ANKRD13A: variants seen among roughly 807,000 people sequenced by gnomAD.
The protein encoded by ANKRD13A is ankyrin repeat domain-containing protein 13A.
A neutral mutation model predicts 81.3 loss-of-function variants in ANKRD13A; 48 were observed. The ratio of observed to expected loss-of-function variants is 0.59; its 90% CI spans 0.47 to 0.75. The LOEUF is 0.75. ANKRD13A is among the 30% of genes least tolerant of loss of function. The probability of loss-of-function intolerance (pLI) is 0.00; values close to 1 mark genes in which losing one functional copy is unlikely to be tolerated. For missense variants in ANKRD13A, 612 were observed against 734.0 expected, an observed-to-expected ratio of 0.83 and a Z score of 1.92; for synonymous variants, 230 against 270.1, an observed-to-expected ratio of 0.85 and a Z score of 1.45.
chr12:110,000,717 C>T (rs1335211611), intron 1 of ANKRD13A, among the ~76,000 whole-genome samples: 1 of 151,032 alleles, frequency 6.6e-6, no homozygotes, highest in Non-Finnish European at 1.5e-5. Flanking sequence ...AAGCCGACAG[C>T]GTCTTGGTTG....
At position 110,036,316 on chromosome 12, in the gene ANKRD13A, C is replaced by T. The variant is rs1892043698; in HGVS notation, c.1565C>T (p.Ala522Val). ...GGISQTNTYD[A>V]QYERAIQESL... The stretch of plus-strand genomic sequence containing the variant: ...ATCAGCCAGACAAACACCTATGACG[C>T]CCAGTATGAGAGGTGATTGACTGAC... The change falls in exon 14 of 15, where the codon GCC becomes GTC. Residue 522 changes from alanine to valine, a missense_variant. By Grantham distance (64) the Ala-to-Val change is moderately conservative. Transcript: ENST00000261739. The surrounding 1 kb of genome is among the most constrained non-coding windows in gnomAD (Gnocchi z 4.6). 2 of 1,613,868 alleles carry T rather than the reference C, an allele frequency of 1.2e-6. No homozygotes were observed. The highest frequency in any genetic ancestry group is 1.6e-4 in the Middle Eastern group (1 of 6,082).
At chr12:110,015,953 C>CTT (rs559435860) in intron 3 of ANKRD13A, among the ~76,000 whole-genome samples, 1,531 of 139,582 alleles carry the variant, frequency 0.011, 28 homozygotes, top group Middle Eastern at 0.037. Flanking sequence ...TTTTTTCTTT[C>CTT]TTTTTTTTTT....
chr12:110,021,835 TAC>T (rs1566056530), intron 6 of ANKRD13A: 1 of 152,260 alleles, frequency 6.6e-6, no homozygotes, highest in Non-Finnish European at 1.5e-5. Flanking sequence ...CTGCAGTATA[TAC>T]ACTGTGGTTG....
intron 1 of ANKRD13A, among the ~76,000 whole-genome samples, chr12:110,000,142 G>A (rs1482007471): frequency 2.6e-5 from 4 of 152,198 alleles, no homozygotes; most frequent in Non-Finnish European, 5.9e-5. Flanking sequence ...GGAATGCACC[G>A]TCTTAACCAT....
In ANKRD13A at chr12:110,030,660, A is replaced by G. The variant is rs1891629083; in HGVS notation, c.1250A>G (p.His417Arg). 1 of 1,596,700 alleles carries G rather than the reference A, an allele frequency of 6.3e-7. No individual in the cohort carries two copies. ...FPVKIEIPLF[H>R]VLNARITFGN... ...TGTTTGTTAGAAATTCCCTTGTTTC[A>G]TGTCTTAAATGCACGGATTACATTT... The change falls in exon 12 of 15, where the codon CAT becomes CGT. Residue 417 changes from histidine (H) to arginine (R), a missense_variant. His to Arg is a conservative substitution (Grantham distance 29, BLOSUM62 0). Transcript: ENST00000261739.
chr12:110,012,267 AGGG>A, intron 2 of ANKRD13A, 130 bp downstream of exon 2: 1 of 1,090,490 alleles, frequency 9.2e-7, no homozygotes, highest in Non-Finnish European at 1.3e-6. Context: ...CAGGAGGCTG[AGGG>A]GGTAGGATCA....
At chr12:110,027,879 A>T in intron 9 of ANKRD13A, 113 bp downstream of exon 9, 3 of 964,772 alleles carry the variant, frequency 3.1e-6, no homozygotes, top group Non-Finnish European at 4.9e-6. Flanking sequence ...AAGGCCAAAG[A>T]TACCCCCAAG....
chr12:110,027,397 G>A (rs956428634), intron 8 of ANKRD13A: 16 of 330,076 alleles, frequency 4.8e-5, no homozygotes, highest in Non-Finnish European at 8.0e-5. Context: ...GGGAACTGAG[G>A]CCCAGAACAC....
intron 1 of ANKRD13A, 89 bp from the exon 2 acceptor site, chr12:110,011,916 A>G: frequency 7.5e-7 from 1 of 1,336,936 alleles, no homozygotes; most frequent in East Asian, 2.3e-5. Context: ...TATGTTTTCT[A>G]TTTTTTGTAC....
chr12:110,019,238 T>C lies in ANKRD13A; in HGVS notation c.644T>C (p.Leu215Ser), dbSNP rs781694896. ...GAAATGGAGCGCCTCACTCTGGACT[T>C]GATGAAGCCAAAAAGCAGGGAAGTT... ...SQEMERLTLD[L>S]MKPKSREVER... Residue 215 changes from leucine to serine, a missense_variant, in exon 6 of 15, where the codon TTG becomes TCG. Physicochemically the swap from Leu to Ser is moderately radical, Grantham distance 145. Transcript: ENST00000261739. 1.5e-5 allele frequency: 25 copies of C among 1,613,954 alleles called. No individual in the cohort carries two copies. The highest frequency in any genetic ancestry group is 1.9e-5 in the Non-Finnish European group (23 of 1,179,954).
In ANKRD13A at chr12:109,999,535, GCGCCCCGCACCCGACCGGCTCAGC is replaced by G. The variant is rs1852988629; in HGVS notation, c.-151_-128del. ...CGGCCGGCGACCCCGGACCTCCCGCGCGCCCCGCACCCGACCGGCTCAGCCGGCCGGCAGCGTAACACGCCCTAC... is the reference window on the plus strand; with the variant it reads ...CGGCCGGCGACCCCGGACCTCCCGCGCGGCCGGCAGCGTAACACGCCCTAC... On this transcript the variant is annotated 5_prime_UTR_variant, in exon 1 of 15. Coordinates refer to ENST00000261739, the MANE Select transcript of ANKRD13A (RefSeq NM_033121.2). This position sits in a 1 kb window ranked among gnomAD's most constrained non-coding sequence, Gnocchi z 4.3. The G allele has an allele frequency of 2.3e-6, 1 of 431,686 alleles. No individual in the cohort carries two copies. The allele number at this position is 431,686 out of a possible 1,614,324, so 26.7% of individuals were successfully genotyped here.
intron 4 of ANKRD13A, 71 bp downstream of exon 4, chr12:110,016,504 C>A: frequency 7.1e-7 from 1 of 1,408,038 alleles, no homozygotes; most frequent in East Asian, 2.4e-5. Flanking sequence ...GTTTATTTTT[C>A]CTTTGTAAAA....
chr12:110,034,393 T>C (rs759969367), intron 13 of ANKRD13A, among the ~76,000 whole-genome samples: 2 of 152,170 alleles, frequency 1.3e-5, no homozygotes, highest in Non-Finnish European at 2.9e-5. Context: ...TCTGGGTCTC[T>C]AGTGAAACAG....
At chr12:110,012,229 G>T in intron 2 of ANKRD13A, 92 bp downstream of exon 2, 1 of 1,413,052 alleles carries the variant, frequency 7.1e-7, no homozygotes, top group East Asian at 2.5e-5. Context: ...GCCAGGTGCG[G>T]TGGTGCATGT....
At chr12:110,025,929 G>A (rs577752453) in intron 8 of ANKRD13A, 106 bp downstream of exon 8, 7 of 875,914 alleles carry the variant, frequency 8.0e-6, no homozygotes, top group Non-Finnish European at 1.2e-5. Context: ...ATTGGGTTGT[G>A]TTAAGCCTAA....
At chr12:110,001,221 C>G (rs1415510594) in intron 1 of ANKRD13A, among the ~76,000 whole-genome samples, 4 of 151,452 alleles carry the variant, frequency 2.6e-5, no homozygotes, top group Middle Eastern at 3.4e-3. Context: ...GTCTTACAGA[C>G]CTGGTTTTTG....
At position 110,036,269 on chromosome 12, in the gene ANKRD13A, A is replaced by G. The variant is rs1892040751; in HGVS notation, c.1518A>G (p.Ser506=). Residue 506 remains serine, a synonymous_variant, in exon 14 of 15, where the codon TCA becomes TCG. Coordinates refer to ENST00000261739, the MANE Select transcript of ANKRD13A (RefSeq NM_033121.2). This position sits in a 1 kb window ranked among gnomAD's most constrained non-coding sequence, Gnocchi z 4.6. ...LLESSRSQEL[S]GPASNGGISQ... is the part of the protein sequence containing the mutation. ...ACATTTGTCTTTGCCAGGAACTTTC[A>G]GGACCAGCTTCGAATGGAGGGATCA... 4.3e-6 allele frequency: 7 copies of G among 1,613,854 alleles called. No homozygotes were observed. The highest frequency in any genetic ancestry group is 1.1e-5 in the South Asian group (1 of 91,086).
rs1360429992 is a variant in ANKRD13A at position 109,999,663 on chromosome 12, G to T, written c.-26G>T. The T allele has an allele frequency of 1.3e-6, 2 of 1,504,568 alleles. No individual in the cohort carries two copies. The highest frequency in any genetic ancestry group is 2.7e-5 in the East Asian group (1 of 36,410). 93.2% of individuals were successfully genotyped at this position (1,504,568 alleles called of 1,614,324 possible). A position where few individuals can be genotyped will look rare whatever the true frequency, so the allele number is the denominator to read the frequency against. The stretch of plus-strand genomic sequence containing the variant: ...GGGGCCGAGACTTGGGGCGGGCGAC[G>T]AGGACCAGGTTACGGCCTCCTCGCC... On this transcript the variant is annotated 5_prime_UTR_variant, in exon 1 of 15. Transcript: ENST00000261739. The surrounding 1 kb of genome is among the most constrained non-coding windows in gnomAD (Gnocchi z 4.3).
Position 110,031,455 on chromosome 12 carries a change from G to A in ANKRD13A, c.1348+697G>A, listed in dbSNP as rs574297556. Among the ~76,000 whole-genome samples, 51 of 151,874 alleles carry A rather than the reference G, an allele frequency of 3.4e-4. No individual in the cohort carries two copies. The East Asian group carries it at 7.7e-3, about 23-fold the overall frequency. On this transcript the variant is annotated intron_variant, in intron 12 of 14. Transcript: ENST00000261739. ...CAGCCTCTGCCTCCCAGGCTCAAGC[G>A]ATTTTCTTGCCTAGTCTCCCAAGTA...
Sources: allele counts gnomAD v4.1 joint callset (sites outside exome capture counted in the v4.1 genomes callset), GRCh38; gene constraint gnomAD v4.1.1; non-coding constraint Gnocchi (gnomAD v3.1); transcripts MANE v1.5; gene names NCBI Gene and HGNC (gene_info 2026-07-23, HGNC 2026-07-21).